The following EXOC6 variants were observed in gnomAD, a reference collection of about 807,000 sequenced individuals.
EXOC6 encodes SEC15-like 1.
EXOC6 carries 60 observed loss-of-function variants against 112.5 expected under a neutral mutation model. That is an observed-to-expected ratio of 0.53 (90% CI 0.43 to 0.66). The LOEUF (loss-of-function observed/expected upper bound fraction) is 0.66, where lower values mean the gene tolerates loss of function less well. Ranked by LOEUF, EXOC6 falls within the 30% of genes least tolerant of loss-of-function variation. The pLI is 0.00. For missense variants in EXOC6, 855 were observed against 957.1 expected (o/e 0.89, Z 1.41); for synonymous variants, 295 against 308.0 (o/e 0.96, Z 0.44).
At chr10:92,913,834 A>G (rs1054212179) in intron 6 of EXOC6, among the ~76,000 whole-genome samples, 1 of 152,228 alleles carries the variant, frequency 6.6e-6, no homozygotes, top group African/African-American at 2.4e-5. Context: ...AGTGGCACAA[A>G]AAAAGTTATT....
intron 19 of EXOC6, among the ~76,000 whole-genome samples, chr10:93,004,796 CCTTGCTTCCAGTCCTGG>C (rs1843903304): frequency 6.6e-6 from 1 of 152,144 alleles, no homozygotes; most frequent in East Asian, 1.9e-4. Context: ...GAAGTTGAGA[CCTTGCTTCCAGTCCTGG>C]CTTTGCCTCT....
At chr10:92,917,117 C>T (rs1043553165) in intron 7 of EXOC6, among the ~76,000 whole-genome samples, 2 of 152,018 alleles carry the variant, frequency 1.3e-5, no homozygotes, top group African/African-American at 4.8e-5. Flanking sequence ...CATGCGCCAC[C>T]ATGCCCGGCT....
At chr10:92,986,894 A>T (rs971262830) in intron 18 of EXOC6, among the ~76,000 whole-genome samples, 1 of 152,094 alleles carries the variant, frequency 6.6e-6, no homozygotes, top group Admixed American at 6.6e-5. Flanking sequence ...ATATGTATTT[A>T]AATTGAGACC....
At chr10:92,986,880 G>C (rs1489241995) in intron 18 of EXOC6, among the ~76,000 whole-genome samples, 1 of 151,956 alleles carries the variant, frequency 6.6e-6, no homozygotes, top group Non-Finnish European at 1.5e-5. Flanking sequence ...TACGGCAGGG[G>C]CATATATGTA....
intron 18 of EXOC6, among the ~76,000 whole-genome samples, chr10:92,990,339 G>C (rs934624088): frequency 6.6e-6 from 1 of 152,186 alleles, no homozygotes; most frequent in African/African-American, 2.4e-5. Context: ...TCTTAAGTTT[G>C]TATATAGCAT....
At chr10:92,952,841 A>G (rs1296132174) in intron 15 of EXOC6, among the ~76,000 whole-genome samples, 1 of 152,088 alleles carries the variant, frequency 6.6e-6, no homozygotes, top group Admixed American at 6.5e-5. Context: ...TCTTTATCCA[A>G]TCCAACATTG....
chr10:92,848,470 T>C (rs1236913962), upstream of EXOC6: 16 of 875,428 alleles, frequency 1.8e-5, no homozygotes, highest in African/African-American at 4.0e-5. Context: ...CTCGCGCCAC[T>C]TGGAGCTCGC....
intron 20 of EXOC6, among the ~76,000 whole-genome samples, chr10:93,022,596 A>T (rs931346590): frequency 1.3e-5 from 2 of 152,146 alleles, no homozygotes; most frequent in African/African-American, 4.8e-5. Context: ...CTTGAATTTT[A>T]TTATTTTAGC....
intron 19 of EXOC6, among the ~76,000 whole-genome samples, chr10:93,011,138 C>G (rs1844223065): frequency 6.6e-6 from 1 of 151,028 alleles, no homozygotes; most frequent in African/African-American, 2.4e-5. Context: ...ATATGTGTAT[C>G]TATCCATGGT....
At chr10:92,859,749 A>G (rs1847806257) in intron 1 of EXOC6, among the ~76,000 whole-genome samples, 1 of 151,162 alleles carries the variant, frequency 6.6e-6, no homozygotes, top group South Asian at 2.1e-4. Context: ...TTTTACCTTA[A>G]CCTGCAACAA....
At chr10:93,008,187 GAA>G (rs1161998456) in intron 19 of EXOC6, among the ~76,000 whole-genome samples, 10 of 151,808 alleles carry the variant, frequency 6.6e-5, no homozygotes, top group Non-Finnish European at 1.0e-4. Flanking sequence ...AAAAAGAAAA[GAA>G]AAGAAAATTT....
At chr10:92,873,738 A>C (rs2133735256) in intron 1 of EXOC6, among the ~76,000 whole-genome samples, 1 of 152,262 alleles carries the variant, frequency 6.6e-6, no homozygotes. Context: ...AATATTTTTC[A>C]GTATTCCGTG....
chr10:92,882,771 C>G (rs1231013295), intron 1 of EXOC6, among the ~76,000 whole-genome samples: 1 of 152,062 alleles, frequency 6.6e-6, no homozygotes, highest in Admixed American at 6.6e-5. Context: ...TGCGGTGTTT[C>G]AAGTCTCACT....
intron 13 of EXOC6, among the ~76,000 whole-genome samples, chr10:92,944,491 C>T (rs1197142154): frequency 6.6e-6 from 1 of 152,164 alleles, no homozygotes; most frequent in African/African-American, 2.4e-5. Flanking sequence ...CTGCCTTGGC[C>T]TCCCAAAGTG....
chr10:92,844,586 T>G (rs1052592529), upstream of EXOC6, among the ~76,000 whole-genome samples: 17 of 152,210 alleles, frequency 1.1e-4, no homozygotes, highest in African/African-American at 3.1e-4. Flanking sequence ...CAATCAGGTT[T>G]TTTTTTAATG....
At chr10:92,874,547 T>C (rs1848603176) in intron 1 of EXOC6, among the ~76,000 whole-genome samples, 1 of 152,146 alleles carries the variant, frequency 6.6e-6, no homozygotes, top group Non-Finnish European at 1.5e-5. Context: ...CCTTTTTTAA[T>C]TGTAAGAAAT....
Position 93,037,058 on chromosome 10 carries a change from A to G in EXOC6, c.2170-19866A>G, listed in dbSNP as rs542778594. On this transcript the variant is annotated intron_variant, in intron 20 of 21. Transcript: ENST00000260762. ...ATATGCAGTAAACTAATGATTAACT[A>G]TTAACATTGGCATTACTCAACAAGG... 9.2e-5 allele frequency among the ~76,000 whole-genome samples: 14 copies of G among 152,240 alleles called. No individual in the cohort carries two copies. In the South Asian group the frequency reaches 1.0e-3, roughly 11 times the overall value.
At chr10:92,999,275 C>G (rs765132508) in intron 19 of EXOC6, 2 of 391,764 alleles carry the variant, frequency 5.1e-6, no homozygotes, top group Middle Eastern at 7.1e-4. Flanking sequence ...GTTGCCCAGA[C>G]TGGTCTCAAA....
At chr10:92,937,667 G>GAA (rs1255103964) in intron 12 of EXOC6, among the ~76,000 whole-genome samples, 2 of 152,062 alleles carry the variant, frequency 1.3e-5, no homozygotes, top group African/African-American at 4.8e-5. Flanking sequence ...GTATAATACT[G>GAA]ATCTCGCTGC....
Sources: allele counts gnomAD v4.1 joint callset (sites outside exome capture counted in the v4.1 genomes callset), GRCh38; gene constraint gnomAD v4.1.1; transcripts MANE v1.5; gene names NCBI Gene and HGNC (gene_info 2026-07-23, HGNC 2026-07-21).